The following ECPAS variants were observed in gnomAD, a reference collection of about 807,000 sequenced individuals.
ECPAS encodes the protein Ecm29 proteasome adaptor and scaffold.
A neutral mutation model predicts 255.1 loss-of-function variants in ECPAS; 70 were observed. That is an observed-to-expected ratio of 0.27 (90% CI 0.23 to 0.33). The LOEUF (loss-of-function observed/expected upper bound fraction) is 0.33. ECPAS is among the 10% of genes least tolerant of loss of function. The probability of loss-of-function intolerance (pLI) is 1.00; values close to 1 mark genes in which losing one functional copy is unlikely to be tolerated. For missense variants in ECPAS, 1,817 were observed against 2,206.4 expected, an observed-to-expected ratio of 0.82 and a Z score of 3.54; for synonymous variants, 784 against 775.0, an observed-to-expected ratio of 1.01 and a Z score of -0.19.
intron 24 of ECPAS, among the ~76,000 whole-genome samples, chr9:111,404,625 T>C (rs2131680250): frequency 1.3e-5 from 2 of 149,372 alleles, no homozygotes; most frequent in Middle Eastern, 6.8e-3. Context: ...CTTCGCCTTC[T>C]GCCAAGATTG....
intron 2 of ECPAS, among the ~76,000 whole-genome samples, chr9:111,456,140 T>A (rs1212166159): frequency 6.6e-6 from 1 of 152,212 alleles, no homozygotes; most frequent in African/African-American, 2.4e-5. Flanking sequence ...TTCTTAACTA[T>A]GTAATAATAC....
chr9:111,448,773 CA>C (rs1246188671), intron 3 of ECPAS, among the ~76,000 whole-genome samples: 22 of 152,150 alleles, frequency 1.4e-4, no homozygotes, highest in African/African-American at 4.6e-4. Context: ...GCAATAAAAC[CA>C]GGCAAATTTT....
chr9:111,406,714 G>C (rs1476372886), intron 24 of ECPAS, among the ~76,000 whole-genome samples: 6 of 148,926 alleles, frequency 4.0e-5, no homozygotes, highest in Non-Finnish European at 8.8e-5. Flanking sequence ...GACCACCCTA[G>C]GCCACACAGG....
At chr9:111,434,607 T>G (rs963854777) in intron 7 of ECPAS, among the ~76,000 whole-genome samples, 17 of 99,476 alleles carry the variant, frequency 1.7e-4, no homozygotes, top group Non-Finnish European at 3.3e-4. Flanking sequence ...TTTTTTTTTT[T>G]GAGACAGAGT....
chr9:111,392,737 C>A, intron 28 of ECPAS, 31 bp downstream of exon 28: 1 of 1,452,114 alleles, frequency 6.9e-7, no homozygotes, highest in Non-Finnish European at 9.6e-7. Context: ...CCTCTATGGG[C>A]TTGAATCTAA....
chr9:111,407,403 GAAAAAAAAAAAAAAAAAAAAAAAA>G (rs1161790026), intron 24 of ECPAS, among the ~76,000 whole-genome samples: 6 of 12,058 alleles, frequency 5.0e-4, no homozygotes, highest in Non-Finnish European at 8.2e-4. Flanking sequence ...CTCCATCTCA[GAAAAAAAAAAAAAAAAAAAAAAAA>G]AAAAAAAAAA....
Position 111,373,525 on chromosome 9 carries a change from A to G in ECPAS, c.4178-119T>C, listed in dbSNP as rs369259762. ...CATCTGATTTACTCCACAGTAGTTT[A>G]GATTTCTGGATGTTATATTTATATA... On this transcript the variant is annotated intron_variant, in intron 39 of 49. Coordinates refer to ENST00000684092, the MANE Select transcript of ECPAS (RefSeq NM_001364929.1). 7.2e-4 allele frequency: 530 copies of G among 738,516 alleles called. 6 individuals are homozygous for G. The South Asian group carries it at 8.5e-3, about 12-fold the overall frequency. The allele number at this position is 738,516 out of a possible 1,614,324, so 45.7% of individuals were successfully genotyped here.
At position 111,389,928 on chromosome 9, in the gene ECPAS, T is replaced by C. The variant is rs572023210; in HGVS notation, c.3279+56A>G. ...TACCATTTGCCACTGTCTGCCAATG[T>C]AGCATGTTTGGTTTGCATGAAAAAA... On this transcript the variant is annotated intron_variant, in intron 30 of 49. Coordinates refer to ENST00000684092, the MANE Select transcript of ECPAS (RefSeq NM_001364929.1). The C allele has an allele frequency of 1.1e-5, 14 of 1,295,518 alleles. No homozygotes were observed. In the South Asian group the frequency reaches 1.3e-4, roughly 12 times the overall value. 80.3% of individuals were successfully genotyped at this position (1,295,518 alleles called of 1,614,324 possible). A position where few individuals can be genotyped will look rare whatever the true frequency, so the allele number is the denominator to read the frequency against.
chr9:111,445,120 C>T (rs2098251189), intron 3 of ECPAS, among the ~76,000 whole-genome samples: 1 of 151,440 alleles, frequency 6.6e-6, no homozygotes. Flanking sequence ...CTCAGCCTCC[C>T]GAGTAGCTGG....
chr9:111,478,875 G>A (rs1231148839), intron 1 of ECPAS, among the ~76,000 whole-genome samples: 1 of 152,116 alleles, frequency 6.6e-6, no homozygotes, highest in Non-Finnish European at 1.5e-5. Flanking sequence ...GGTGGGCTTT[G>A]GTGTCTCTTT....
chr9:111,392,717 GTA>G, intron 28 of ECPAS, 49 bp downstream of exon 28: 1 of 1,249,536 alleles, frequency 8.0e-7, no homozygotes. Context: ...CTCACTATGT[GTA>G]GAGACTTCCT....
At chr9:111,460,571 C>T (rs1051940550) in intron 2 of ECPAS, among the ~76,000 whole-genome samples, 4 of 151,876 alleles carry the variant, frequency 2.6e-5, no homozygotes, top group East Asian at 1.9e-4. Context: ...GATTGGTACA[C>T]AAAAAATCCA....
Position 111,372,434 on chromosome 9 carries a change from A to T in ECPAS, c.4523T>A (p.Val1508Glu). 1 of 1,613,540 alleles carries T rather than the reference A, an allele frequency of 6.2e-7. No homozygotes were observed. The highest frequency in any genetic ancestry group is 8.5e-7 in the Non-Finnish European group (1 of 1,179,600). ...NLWTEVWQEN[V>E]PGSFGGIRLY... ...ACTCAGGCCACACTACTAACCAGGT[A>T]CGTTTTCCTGCCACACTTCGGTCCA... The change falls in exon 42 of 50, where the codon GTA (valine) becomes GAA (glutamate). Residue 1508 changes from valine to glutamate, a missense_variant. Val to Glu is a moderately radical substitution (Grantham distance 121). Around this residue, in one of 4 missense-constraint regions of ECPAS, gnomAD observed 960 missense variants for 1,179.0 expected, o/e 0.81. Transcript: ENST00000684092.
chr9:111,452,960 G>A (rs966831648), intron 2 of ECPAS, among the ~76,000 whole-genome samples: 4 of 152,144 alleles, frequency 2.6e-5, no homozygotes, highest in Non-Finnish European at 5.9e-5. Flanking sequence ...AATGGAACAT[G>A]GGGTCGAGCA....
chr9:111,373,674 A>G (rs2098130103), intron 39 of ECPAS, among the ~76,000 whole-genome samples: 1 of 152,232 alleles, frequency 6.6e-6, no homozygotes. Flanking sequence ...ATCTAAGAAG[A>G]GAAAAATGCT....
chr9:111,378,870 T>A (rs2098136832), intron 35 of ECPAS, 140 bp from the exon 36 acceptor site: 1 of 725,108 alleles, frequency 1.4e-6, no homozygotes, highest in East Asian at 3.0e-5. Flanking sequence ...TGGGCATTAC[T>A]TTTTTTAACT....
intron 20 of ECPAS, among the ~76,000 whole-genome samples, chr9:111,412,500 T>C (rs138378411): frequency 6.6e-6 from 1 of 152,302 alleles, no homozygotes; most frequent in Admixed American, 6.5e-5. Flanking sequence ...CAATACACAA[T>C]GAATGAGCGT....
chr9:111,410,896 A>G, intron 22 of ECPAS, 84 bp downstream of exon 22: 1 of 1,344,994 alleles, frequency 7.4e-7, no homozygotes, highest in Non-Finnish European at 1.0e-6. Flanking sequence ...ATACAATGCC[A>G]TAAAAAGAAA....
rs921246530 is a variant in ECPAS, at chr9:111,375,454, T to C, written c.4021-252A>G. On this transcript the variant is annotated intron_variant, in intron 37 of 49. Coordinates refer to ENST00000684092, the MANE Select transcript of ECPAS (RefSeq NM_001364929.1). Reference sequence around the variant, plus strand: ...ACATCAATTTGCTAAAAAAGAAAAATAATGATTACTCAAGAATGAAGAATC... The same window carrying C: ...ACATCAATTTGCTAAAAAAGAAAAACAATGATTACTCAAGAATGAAGAATC... Among the ~76,000 whole-genome samples the C allele has an allele frequency of 3.3e-5, 5 of 151,798 alleles. 1 individual carries two copies. In the South Asian group the frequency reaches 6.2e-4, roughly 19 times the overall value.
Sources: gnomAD v4.1 joint callset for allele counts (sites outside exome capture counted in the v4.1 genomes callset) on GRCh38, gnomAD v4.1.1 for gene constraint, gnomAD v4.1.1 regional missense constraint, MANE v1.5 for transcripts, NCBI Gene and HGNC (gene_info 2026-07-23, HGNC 2026-07-21) for gene names.